The following POLH variants were observed in gnomAD, a reference collection of about 807,000 sequenced individuals.
POLH encodes the protein DNA polymerase eta, also known as DNA polymerase eta transcript.
A neutral mutation model predicts 73.6 loss-of-function variants in POLH; 53 were observed. The observed-to-expected ratio is 0.72, with a 90% CI of 0.58 to 0.91. POLH has a LOEUF of 0.91. POLH is among the 40% of genes least tolerant of loss of function. POLH has a pLI of 0.00. For missense variants in POLH, 768 were observed against 865.4 expected, an observed-to-expected ratio of 0.89 and a Z score of 1.41; for synonymous variants, 292 against 308.5, an observed-to-expected ratio of 0.95 and a Z score of 0.56.
At position 43,620,103 on chromosome 6, in the gene POLH, T is replaced by C; in HGVS notation, c.*5546T>C. The C allele has an allele frequency of 2.9e-6, 1 of 348,290 alleles. No homozygotes were observed. The highest frequency in any genetic ancestry group is 5.5e-6 in the Non-Finnish European group (1 of 182,768). 21.6% of individuals were successfully genotyped at this position (348,290 alleles called of 1,614,324 possible). A position where few individuals can be genotyped will look rare whatever the true frequency, so the allele number is the denominator to read the frequency against. On this transcript the variant is annotated 3_prime_UTR_variant, in exon 11 of 11. Coordinates refer to ENST00000372236, the MANE Select transcript of POLH (RefSeq NM_006502.3). ...ATTTAGGCTATGTAAACTTGAAAAATATGGGACCAGATTACCTTTTGTCTC... is the reference window on the plus strand; with the variant it reads ...ATTTAGGCTATGTAAACTTGAAAAACATGGGACCAGATTACCTTTTGTCTC...
At chr6:43,589,133 C>T (rs751497278) in intron 4 of POLH, among the ~76,000 whole-genome samples, 15 of 152,272 alleles carry the variant, frequency 9.9e-5, no homozygotes, top group East Asian at 7.7e-4. Flanking sequence ...CCACCGTGCC[C>T]GGCCTTCATT....
intron 10 of POLH, among the ~76,000 whole-genome samples, chr6:43,611,450 C>T (rs961160880): frequency 6.6e-6 from 1 of 152,202 alleles, no homozygotes. Flanking sequence ...CATTAGTAAA[C>T]TTCACTTCTG....
chr6:43,596,806 A>G (rs1561905348), intron 4 of POLH, among the ~76,000 whole-genome samples: 1 of 152,188 alleles, frequency 6.6e-6, no homozygotes, highest in African/African-American at 2.4e-5. Context: ...TAGAGTGTAC[A>G]TTTGGGGATA....
intron 1 of POLH, chr6:43,578,365 C>T: frequency 2.4e-6 from 1 of 422,986 alleles, no homozygotes; most frequent in South Asian, 1.7e-5. Flanking sequence ...CCAGCCTGCG[C>T]AACGAGAACG....
chr6:43,615,901 G>A lies in POLH; in HGVS notation c.*1344G>A, dbSNP rs2127824298. Among the ~76,000 whole-genome samples the A allele has an allele frequency of 6.6e-6, 1 of 152,042 alleles. No individual in the cohort carries two copies. The highest frequency in any genetic ancestry group is 1.5e-5 in the Non-Finnish European group (1 of 67,974). On this transcript the variant is annotated 3_prime_UTR_variant, in exon 11 of 11. Coordinates refer to ENST00000372236, the MANE Select transcript of POLH (RefSeq NM_006502.3). ...TTGGCCAGGATGGTCTCGATTGCTTGACCTCATGATCCGCCTGCCTCGACC... is the reference window on the plus strand; with the variant it reads ...TTGGCCAGGATGGTCTCGATTGCTTAACCTCATGATCCGCCTGCCTCGACC...
Position 43,601,062 on chromosome 6 carries a change from G to A in POLH, c.735G>A (p.Gln245=), listed in dbSNP as rs202063884. ...TGGTTTCACATGGGTCAGTCCCACAGCTCTTCAGCCAAATGCCCATTCGCA... is the reference window on the plus strand; with the variant it reads ...TGGTTTCACATGGGTCAGTCCCACAACTCTTCAGCCAAATGCCCATTCGCA... ...QTLVSHGSVP[Q]LFSQMPIRKI... is the part of the protein sequence containing the mutation. Residue 245 remains glutamine (Q), a synonymous_variant, in exon 6 of 11, where the codon CAG becomes CAA. Coordinates refer to ENST00000372236, the MANE Select transcript of POLH (RefSeq NM_006502.3). 10 of 1,613,908 alleles carry A rather than the reference G, an allele frequency of 6.2e-6. No homozygotes were observed. The highest frequency in any genetic ancestry group is 2.2e-5 in the East Asian group (1 of 44,870).
rs1220836192 is a variant in POLH, at chr6:43,600,980, G to C, written c.661-8G>C. ...GTAATGAGGTTTTTATACTTTGCAT[G>C]CTTCCAGGTCCTGGCAAAACTGGCC... On this transcript the variant is annotated splice_region_variant and splice_polypyrimidine_tract_variant and intron_variant, in intron 5 of 10. Transcript: ENST00000372236. 1.2e-6 allele frequency: 2 copies of C among 1,602,706 alleles called. No individual in the cohort carries two copies. Among genetic ancestry groups the C allele is most frequent in the Non-Finnish European group, 1.7e-6 (2 of 1,169,684 alleles).
intron 1 of POLH, among the ~76,000 whole-genome samples, chr6:43,581,541 G>A (rs1374719423): frequency 2.7e-5 from 4 of 150,452 alleles, no homozygotes; most frequent in Admixed American, 2.0e-4. Context: ...GCCAAGGCAG[G>A]CGGCTGCTCC....
chr6:43,617,875 G>A lies in POLH; in HGVS notation c.*3318G>A, dbSNP rs142340697. 0.011 allele frequency among the ~76,000 whole-genome samples: 1,704 copies of A among 151,916 alleles called. 33 individuals carry two copies. The highest frequency in any genetic ancestry group is 0.04 in the African/African-American group (1,635 of 41,376). On this transcript the variant is annotated 3_prime_UTR_variant, in exon 11 of 11. Coordinates refer to ENST00000372236, the MANE Select transcript of POLH (RefSeq NM_006502.3). ...GCGGAGCTTGCAGTGAGCCCAGATCGTGCCACTGCACTGCACCCTGGCGAC... is the reference window on the plus strand; with the variant it reads ...GCGGAGCTTGCAGTGAGCCCAGATCATGCCACTGCACTGCACCCTGGCGAC...
intron 9 of POLH, among the ~76,000 whole-genome samples, chr6:43,609,053 A>G (rs1035354963): frequency 6.6e-6 from 1 of 151,984 alleles, no homozygotes; most frequent in Admixed American, 6.6e-5. Context: ...TATTCTTAAT[A>G]TTTGCTTCCT....
chr6:43,612,629 G>A (rs1353951172), intron 10 of POLH, among the ~76,000 whole-genome samples: 1 of 151,894 alleles, frequency 6.6e-6, no homozygotes, highest in African/African-American at 2.4e-5. Flanking sequence ...TTACAGGCGT[G>A]AGCCACTGCA....
At chr6:43,585,628 C>CTTTTTTTTTTTTTTTTTTTTTTT (rs1561898987) in intron 3 of POLH, among the ~76,000 whole-genome samples, 1 of 139,846 alleles carries the variant, frequency 7.2e-6, no homozygotes, top group African/African-American at 3.0e-5. Flanking sequence ...GTATATTGCT[C>CTTTTTTTTTTTTTTTTTTTTTTT]TTTCTTTTCT....
intron 4 of POLH, among the ~76,000 whole-genome samples, chr6:43,589,842 G>T (rs1366810214): frequency 2.0e-5 from 3 of 150,910 alleles, no homozygotes; most frequent in African/African-American, 7.3e-5. Context: ...ATTTTTTGTA[G>T]AGACAGGGTC....
Position 43,616,277 on chromosome 6 carries a change from C to A in POLH, c.*1720C>A, listed in dbSNP as rs1179041788. Among the ~76,000 whole-genome samples the A allele has an allele frequency of 3.6e-5, 5 of 139,366 alleles. No homozygotes were observed. Among genetic ancestry groups the A allele is most frequent in the African/African-American group, 1.1e-4 (4 of 37,504 alleles). The allele number at this position is 139,366 out of a possible 152,430, so 91.4% of individuals were successfully genotyped here. A position where few individuals can be genotyped will look rare whatever the true frequency, so the allele number is the denominator to read the frequency against. On this transcript the variant is annotated 3_prime_UTR_variant, in exon 11 of 11. Coordinates refer to ENST00000372236, the MANE Select transcript of POLH (RefSeq NM_006502.3). ...CCTGGGTGACAGAGCGAGACTCCGT[C>A]TCAAAAAAAAAAAAAAAAGAAAAAC...
chr6:43,610,739 G>A lies in POLH; in HGVS notation c.1244+16G>A, dbSNP rs762141116. 9.4e-6 allele frequency: 15 copies of A among 1,598,176 alleles called. No individual in the cohort carries two copies. Among genetic ancestry groups the A allele is most frequent in the Non-Finnish European group, 1.3e-5 (15 of 1,167,690 alleles). On this transcript the variant is annotated intron_variant, in intron 10 of 10. Coordinates refer to ENST00000372236, the MANE Select transcript of POLH (RefSeq NM_006502.3). ...AGACAGAATGGTGAGTTCTTTTCTAGCTCATCTTCTCAGAATAGATGATGA... is the reference window on the plus strand; with the variant it reads ...AGACAGAATGGTGAGTTCTTTTCTAACTCATCTTCTCAGAATAGATGATGA...
At chr6:43,586,498 A>G (rs1024124875) in intron 3 of POLH, among the ~76,000 whole-genome samples, 8 of 152,214 alleles carry the variant, frequency 5.3e-5, no homozygotes, top group Non-Finnish European at 8.8e-5. Flanking sequence ...CAAGAAAAAA[A>G]AGAAAATATC....
At chr6:43,604,515 A>T (rs903183094) in intron 7 of POLH, 100 bp from the exon 8 acceptor site, 21 of 1,339,572 alleles carry the variant, frequency 1.6e-5, no homozygotes, top group Non-Finnish European at 2.1e-6. Flanking sequence ...TTCCTTTTTC[A>T]TGAAAAAGAT....
intron 1 of POLH, among the ~76,000 whole-genome samples, chr6:43,580,615 G>A (rs1461450575): frequency 4.6e-5 from 6 of 131,544 alleles, no homozygotes; most frequent in East Asian, 4.8e-4. Context: ...AGGGGCGGCC[G>A]GGCAGAGGCG....
At chr6:43,597,965 C>A in intron 5 of POLH, 100 bp downstream of exon 5, 1 of 1,014,308 alleles carries the variant, frequency 9.9e-7, no homozygotes, top group Non-Finnish European at 1.5e-6. Context: ...AGGCCGGGTG[C>A]AGTTTCGCAC....
Sources: allele counts gnomAD v4.1 joint callset (sites outside exome capture counted in the v4.1 genomes callset), GRCh38; gene constraint gnomAD v4.1.1; transcripts MANE v1.5; gene names NCBI Gene and HGNC (gene_info 2026-07-23, HGNC 2026-07-21).